DST: variants seen among roughly 807,000 people sequenced by gnomAD.
DST encodes dystonin.
Under a neutral mutation model 875.2 loss-of-function variants are expected in DST, and 253 were observed. The ratio of observed to expected loss-of-function variants is 0.29; its 90% CI spans 0.26 to 0.32. The LOEUF (loss-of-function observed/expected upper bound fraction) is 0.32. DST is among the 10% of genes least tolerant of loss of function. The pLI, the probability that DST is intolerant of heterozygous loss-of-function variation, is 1.00. For missense variants in DST, 8,287 were observed against 9,111.6 expected (o/e 0.91, Z 3.68); for synonymous variants, 3,124 against 3,197.1 (o/e 0.98, Z 0.77).
chr6:56,819,667 T>G (rs1379137531), intron 4 of DST, among the ~76,000 whole-genome samples: 1 of 152,230 alleles, frequency 6.6e-6, no homozygotes, highest in South Asian at 2.1e-4. Flanking sequence ...CAGGAAATAT[T>G]TATGTACTTT....
At chr6:56,680,405 A>C (rs1320785775) in intron 9 of DST, among the ~76,000 whole-genome samples, 1 of 152,212 alleles carries the variant, frequency 6.6e-6, no homozygotes, top group Non-Finnish European at 1.5e-5. Context: ...AGTCTCACTC[A>C]TTCAGCAAAC....
rs1432230594 is a variant in DST, at chr6:56,604,595, G to C, written c.10033C>G (p.Pro3345Ala). 4 of 1,611,690 alleles carry C rather than the reference G, an allele frequency of 2.5e-6. No homozygotes were observed. Among genetic ancestry groups the C allele is most frequent in the Non-Finnish European group, 3.4e-6 (4 of 1,178,998 alleles). ...PRSQEKEVQI[P>A]ELSQVFVEDV... ...TCCACAAATACCTGAGACAATTCAGGAATCTGAACCTCCTTTTCTTGGGAT... is the reference window on the plus strand; with the variant it reads ...TCCACAAATACCTGAGACAATTCAGCAATCTGAACCTCCTTTTCTTGGGAT... The change falls in exon 40 of 104, where the codon CCT becomes GCT. Residue 3345 changes from proline to alanine, a missense_variant. Physicochemically the swap from Pro to Ala is conservative, Grantham distance 27. Coordinates refer to ENST00000680361, the MANE Select transcript of DST (RefSeq NM_001374736.1).
chr6:56,489,855 A>G (rs2095677653), intron 85 of DST, among the ~76,000 whole-genome samples: 1 of 152,162 alleles, frequency 6.6e-6, no homozygotes, highest in East Asian at 1.9e-4. Flanking sequence ...TATCAGCTCT[A>G]AAAGAGCCTA....
At chr6:56,916,470 A>C (rs1294798901) in intron 2 of DST, among the ~76,000 whole-genome samples, 1 of 152,088 alleles carries the variant, frequency 6.6e-6, no homozygotes, top group African/African-American at 2.4e-5. Context: ...GCTATTCAAG[A>C]CCTGGGTGCA....
Position 56,557,515 on chromosome 6 carries a change from G to A in DST, c.14444C>T (p.Ser4815Phe). The A allele has an allele frequency of 6.2e-7, 1 of 1,600,710 alleles. No homozygotes were observed. The highest frequency in any genetic ancestry group is 8.5e-7 in the Non-Finnish European group (1 of 1,174,038). Reference protein sequence around the residue: ...RWKQMLTEIDSKWQELNQLTI... With the variant: ...RWKQMLTEIDFKWQELNQLTI... ...TAATTGATTGAGTTCTTGCCACTTAGAATCTAAAAGAAAAAAAATGAAACT... is the reference window on the plus strand; with the variant it reads ...TAATTGATTGAGTTCTTGCCACTTAAAATCTAAAAGAAAAAAAATGAAACT... The change falls in exon 59 of 104, where the codon TCT (serine) becomes TTT (phenylalanine). Residue 4815 changes from serine (S) to phenylalanine (F), a missense_variant. By Grantham distance (155) the Ser-to-Phe change is radical. Around this residue, in one of 10 missense-constraint regions of DST, gnomAD observed 1,513 missense variants for 1,677.8 expected, o/e 0.90. Transcript: ENST00000680361.
At chr6:56,948,601 G>A (rs182563989) in intron 2 of DST, among the ~76,000 whole-genome samples, 6 of 152,184 alleles carry the variant, frequency 3.9e-5, no homozygotes, top group South Asian at 2.1e-4. Context: ...AGTTGGCCAC[G>A]GGTAACTGAA....
intron 4 of DST, among the ~76,000 whole-genome samples, chr6:56,753,754 C>T (rs1323443012): frequency 1.3e-5 from 2 of 151,976 alleles, no homozygotes; most frequent in Non-Finnish European, 2.9e-5. Flanking sequence ...ATTAAGTTAA[C>T]CAAAGTTCTC....
intron 63 of DST, among the ~76,000 whole-genome samples, chr6:56,534,839 C>T (rs142299268): frequency 6.6e-6 from 1 of 151,942 alleles, no homozygotes; most frequent in East Asian, 2.0e-4. Flanking sequence ...ATTTACTTTA[C>T]TTATTGTCTT....
intron 2 of DST, among the ~76,000 whole-genome samples, chr6:56,917,612 G>A (rs963744003): frequency 6.6e-6 from 1 of 152,164 alleles, no homozygotes; most frequent in South Asian, 2.1e-4. Context: ...CAGTTATTTA[G>A]GCAAGAGCTA....
chr6:56,944,790 A>C (rs1818604344), intron 2 of DST, among the ~76,000 whole-genome samples: 2 of 152,228 alleles, frequency 1.3e-5, no homozygotes, highest in African/African-American at 4.8e-5. Context: ...AGACACTAGA[A>C]AAGATAAAAC....
intron 47 of DST, among the ~76,000 whole-genome samples, chr6:56,596,422 C>A (rs953674020): frequency 1.3e-5 from 2 of 152,150 alleles, no homozygotes; most frequent in Non-Finnish European, 2.9e-5. Flanking sequence ...AAGGGCTTTC[C>A]TGTGTGATAT....
rs138576576 is a variant in DST, at chr6:56,618,028, G to A, written c.4930-3544C>T. On this transcript the variant is annotated intron_variant, in intron 36 of 103. Coordinates refer to ENST00000680361, the MANE Select transcript of DST (RefSeq NM_001374736.1). Reference sequence around the variant, plus strand: ...CCTTCACCAGTTCCATTTCACATGCGTTATCTTGATACCTAACAGGTGGTC... The same window carrying A: ...CCTTCACCAGTTCCATTTCACATGCATTATCTTGATACCTAACAGGTGGTC... The A allele has an allele frequency of 7.4e-4, 1,195 of 1,614,114 alleles. 6 individuals are homozygous for A. In the African/African-American group the frequency reaches 0.012, roughly 17 times the overall value.
Position 56,597,917 on chromosome 6 carries a change from C to T in DST, c.12018G>A (p.Arg4006=). ...TTACCTGTTTGTGTTTTGTCCCTGC[C>T]CTTTCTGAGTCTTTGTCAACATTTG... The part of the protein sequence containing the change: ...WLSNVDKDSE[R]AGTKHKQVIE... Residue 4006 remains arginine, a synonymous_variant, in exon 47 of 104, where the codon AGG becomes AGA. Transcript: ENST00000680361. 1 of 1,613,666 alleles carries T rather than the reference C, an allele frequency of 6.2e-7. No homozygotes were observed. Among genetic ancestry groups the T allele is most frequent in the Non-Finnish European group, 8.5e-7 (1 of 1,179,748 alleles).
At chr6:56,686,044 G>C (rs913079337) in intron 9 of DST, among the ~76,000 whole-genome samples, 1 of 152,304 alleles carries the variant, frequency 6.6e-6, no homozygotes, top group African/African-American at 2.4e-5. Flanking sequence ...AATCAACCTA[G>C]GTGTCTGTCA....
At chr6:56,832,898 T>C (rs1381670589) in intron 4 of DST, among the ~76,000 whole-genome samples, 1 of 152,038 alleles carries the variant, frequency 6.6e-6, no homozygotes, top group Non-Finnish European at 1.5e-5. Flanking sequence ...CACCACCACA[T>C]CCAGCTAATT....
chr6:56,764,851 G>T (rs1225659080), intron 4 of DST, among the ~76,000 whole-genome samples: 1 of 152,032 alleles, frequency 6.6e-6, no homozygotes, highest in Non-Finnish European at 1.5e-5. Context: ...CAGCTACTCG[G>T]GAGGCTGAGG....
At chr6:56,925,996 T>C (rs921428413) in intron 2 of DST, among the ~76,000 whole-genome samples, 3 of 152,238 alleles carry the variant, frequency 2.0e-5, no homozygotes, top group Non-Finnish European at 4.4e-5. Context: ...TTCTGACTTA[T>C]TCTGATATAT....
chr6:56,723,488 C>T (rs887892185), intron 5 of DST, among the ~76,000 whole-genome samples: 9 of 152,030 alleles, frequency 5.9e-5, no homozygotes, highest in African/African-American at 1.4e-4. Flanking sequence ...CGCTTAACCC[C>T]GGGAGGCAGA....
At chr6:56,722,167 A>G (rs1379780233) in intron 5 of DST, among the ~76,000 whole-genome samples, 1 of 152,040 alleles carries the variant, frequency 6.6e-6, no homozygotes, top group East Asian at 1.9e-4. Context: ...TAGTCTGTAG[A>G]CCCCTGTCCA....
Sources: gnomAD v4.1 joint callset for allele counts (sites outside exome capture counted in the v4.1 genomes callset) on GRCh38, gnomAD v4.1.1 for gene constraint, gnomAD v4.1.1 regional missense constraint, MANE v1.5 for transcripts, NCBI Gene and HGNC (gene_info 2026-07-23, HGNC 2026-07-21) for gene names.